Variants in ZNF98 observed in about 807,000 individuals in gnomAD.
ZNF98 encodes zinc finger protein 739.
ZNF98 carries 8 observed loss-of-function variants against 12.8 expected under a neutral mutation model. The ratio of observed to expected loss-of-function variants is 0.63; its 90% CI spans 0.37 to 1.13. The LOEUF (loss-of-function observed/expected upper bound fraction) is 1.13. Among genes scored for constraint, ZNF98 ranks in the 50% most tolerant of loss-of-function variants. The pLI, the probability that ZNF98 is intolerant of heterozygous loss-of-function variation, is 0.01. For synonymous variants in ZNF98, 112 were observed against 223.5 expected (o/e 0.50, Z 4.45); for missense variants, 379 against 666.1 (o/e 0.57, Z 4.74).
At chr19:22,407,660 C>T (rs1283925010) in intron 1 of ZNF98, among the ~76,000 whole-genome samples, 2 of 151,384 alleles carry the variant, frequency 1.3e-5, no homozygotes, top group East Asian at 2.0e-4. Context: ...TGCAGTGAGC[C>T]GAGATAATGC....
At chr19:22,418,341 A>G (rs1969666443) in intron 1 of ZNF98, among the ~76,000 whole-genome samples, 1 of 152,226 alleles carries the variant, frequency 6.6e-6, no homozygotes, top group African/African-American at 2.4e-5. Context: ...TATAAAAAAT[A>G]TAACCCCCAA....
intron 3 of ZNF98, among the ~76,000 whole-genome samples, chr19:22,395,126 C>G (rs185095894): frequency 7.0e-6 from 1 of 143,418 alleles, no homozygotes; most frequent in Non-Finnish European, 1.5e-5. Flanking sequence ...GGGCTGAGAC[C>G]ATGCCATTGC....
At chr19:22,420,210 T>C (rs2145125031) in intron 1 of ZNF98, among the ~76,000 whole-genome samples, 1 of 152,220 alleles carries the variant, frequency 6.6e-6, no homozygotes, top group Non-Finnish European at 1.5e-5. Context: ...CATGGGTCAA[T>C]TCAGATCATC....
intron 3 of ZNF98, among the ~76,000 whole-genome samples, chr19:22,397,188 A>ATC (rs936031653): frequency 7.4e-5 from 7 of 94,974 alleles, no homozygotes; most frequent in Non-Finnish European, 1.4e-4. Flanking sequence ...CTGTATGTAC[A>ATC]TCTGTGTGTG....
intron 1 of ZNF98, among the ~76,000 whole-genome samples, chr19:22,414,559 A>G (rs997634165): frequency 1.3e-5 from 2 of 152,110 alleles, no homozygotes; most frequent in African/African-American, 4.8e-5. Flanking sequence ...CCAATACAAC[A>G]GAATAGAGAG....
chr19:22,416,941 T>C (rs1217063817), intron 1 of ZNF98, among the ~76,000 whole-genome samples: 2 of 151,230 alleles, frequency 1.3e-5, no homozygotes, highest in Non-Finnish European at 3.0e-5. Flanking sequence ...TTCTAAGTAA[T>C]AGCTGAGGCT....
At chr19:22,394,562 C>G (rs1459857854) in intron 3 of ZNF98, among the ~76,000 whole-genome samples, 1 of 152,088 alleles carries the variant, frequency 6.6e-6, no homozygotes, top group Non-Finnish European at 1.5e-5. Flanking sequence ...TGGAAACCAT[C>G]ATTCTGAGCA....
At chr19:22,397,213 TGTGTG>T (rs1405963750) in intron 3 of ZNF98, among the ~76,000 whole-genome samples, 66 of 7,298 alleles carry the variant, frequency 9.0e-3, no homozygotes, top group Admixed American at 0.035. Context: ...TGTGTGTTTT[TGTGTG>T]TGTGTGTGTG....
At chr19:22,410,071 C>G (rs1457027800) in intron 1 of ZNF98, among the ~76,000 whole-genome samples, 1 of 152,060 alleles carries the variant, frequency 6.6e-6, no homozygotes, top group Non-Finnish European at 1.5e-5. Flanking sequence ...TCACACCAGT[C>G]AGAATGGTAA....
At chr19:22,407,182 G>C (rs1225455350) in intron 1 of ZNF98, among the ~76,000 whole-genome samples, 4 of 151,726 alleles carry the variant, frequency 2.6e-5, no homozygotes, top group Non-Finnish European at 5.9e-5. Flanking sequence ...TCAGCCTCTG[G>C]AGTAGCTGGG....
intron 1 of ZNF98, among the ~76,000 whole-genome samples, chr19:22,405,354 C>T (rs2145115528): frequency 6.6e-6 from 1 of 151,578 alleles, no homozygotes; most frequent in East Asian, 1.9e-4. Context: ...CCAAAAAGAA[C>T]CATAATGGCC....
chr19:22,413,268 C>T (rs559317563), intron 1 of ZNF98, among the ~76,000 whole-genome samples: 4 of 151,822 alleles, frequency 2.6e-5, no homozygotes, highest in Non-Finnish European at 5.9e-5. Flanking sequence ...AAATAAAAGG[C>T]ATACAAACAG....
intron 2 of ZNF98, among the ~76,000 whole-genome samples, chr19:22,403,124 G>A (rs1969477981): frequency 6.6e-6 from 1 of 151,910 alleles, no homozygotes; most frequent in Non-Finnish European, 1.5e-5. Flanking sequence ...GTGGGCAACA[G>A]TATGTTATGC....
At chr19:22,410,632 G>A (rs1220739106) in intron 1 of ZNF98, among the ~76,000 whole-genome samples, 3 of 152,090 alleles carry the variant, frequency 2.0e-5, no homozygotes, top group Non-Finnish European at 4.4e-5. Flanking sequence ...CACCTAGAAG[G>A]GTCAGTACAT....
intron 1 of ZNF98, among the ~76,000 whole-genome samples, chr19:22,417,160 C>T (rs1288626448): frequency 7.8e-6 from 1 of 128,912 alleles, no homozygotes; most frequent in Non-Finnish European, 1.5e-5. Flanking sequence ...ACCCAGGAAG[C>T]GGAGGTTGCG....
chr19:22,409,365 A>G (rs934133290), intron 1 of ZNF98, among the ~76,000 whole-genome samples: 1 of 152,198 alleles, frequency 6.6e-6, no homozygotes, highest in African/African-American at 2.4e-5. Context: ...AATACCACTC[A>G]GGACATAGGC....
intron 1 of ZNF98, among the ~76,000 whole-genome samples, chr19:22,407,932 G>A (rs771246626): frequency 1.3e-5 from 2 of 151,592 alleles, no homozygotes; most frequent in African/African-American, 4.9e-5. Context: ...TTAGCCAGGC[G>A]TGGTGGTGCA....
intron 1 of ZNF98, among the ~76,000 whole-genome samples, chr19:22,417,792 C>A (rs1307293041): frequency 6.6e-6 from 1 of 151,982 alleles, no homozygotes; most frequent in Admixed American, 6.6e-5. Flanking sequence ...TGGGAGAGGT[C>A]TGGACACATT....
intron 1 of ZNF98, among the ~76,000 whole-genome samples, chr19:22,404,979 T>G (rs905869133): frequency 3.3e-5 from 5 of 152,116 alleles, no homozygotes; most frequent in African/African-American, 1.2e-4. Flanking sequence ...ATCCACCCTT[T>G]CCATGTTCCA....
Sources: gnomAD v4.1 joint callset for allele counts (sites outside exome capture counted in the v4.1 genomes callset) on GRCh38, gnomAD v4.1.1 for gene constraint, MANE v1.5 for transcripts, NCBI Gene and HGNC (gene_info 2026-07-23, HGNC 2026-07-21) for gene names.